Variants in IMMP2L observed in about 807,000 individuals in gnomAD.
IMMP2L encodes mitochondrial inner membrane protease subunit 2.
Under a neutral mutation model 19.3 loss-of-function variants are expected in IMMP2L, and 18 were observed. The observed-to-expected ratio is 0.93, with a 90% CI of 0.64 to 1.38. IMMP2L has a LOEUF of 1.38. Among genes scored for constraint, IMMP2L ranks in the 40% most tolerant of loss-of-function variants. The pLI, the probability that IMMP2L is intolerant of heterozygous loss-of-function variation, is 0.00. For synonymous variants in IMMP2L, 76 were observed against 73.0 expected (o/e 1.04, Z -0.21); for missense variants, 233 against 218.2 (o/e 1.07, Z -0.43).
chr7:110,735,891 A>G (rs1285391495), intron 5 of IMMP2L, among the ~76,000 whole-genome samples: 1 of 147,186 alleles, frequency 6.8e-6, no homozygotes, highest in East Asian at 2.1e-4. Context: ...AATGACCCCA[A>G]AAGCATTTCA....
chr7:110,813,511 C>G (rs1214589538), intron 5 of IMMP2L, among the ~76,000 whole-genome samples: 3 of 151,564 alleles, frequency 2.0e-5, no homozygotes, highest in African/African-American at 7.3e-5. Context: ...CACAGTGGCC[C>G]TGATCTCCCA....
chr7:111,281,156 C>G (rs10256796), intron 3 of IMMP2L, among the ~76,000 whole-genome samples: 1,555 of 67,782 alleles, frequency 0.023, 81 homozygotes, highest in African/African-American at 0.064. Flanking sequence ...GACAGAAAGA[C>G]AGAAAGAAAG....
intron 3 of IMMP2L, among the ~76,000 whole-genome samples, chr7:111,369,568 T>G (rs1245692287): frequency 6.6e-6 from 1 of 151,880 alleles, no homozygotes; most frequent in African/African-American, 2.4e-5. Flanking sequence ...GGAGTTTTAA[T>G]GTTGAAACCA....
At chr7:111,385,332 C>T (rs1056356026) in intron 3 of IMMP2L, among the ~76,000 whole-genome samples, 13 of 152,078 alleles carry the variant, frequency 8.5e-5, no homozygotes, top group Non-Finnish European at 1.6e-4. Flanking sequence ...CAGCAATTTG[C>T]CCTTTATAAG....
chr7:110,752,552 C>T (rs1310594644), intron 5 of IMMP2L, among the ~76,000 whole-genome samples: 2 of 151,992 alleles, frequency 1.3e-5, no homozygotes, highest in African/African-American at 4.8e-5. Flanking sequence ...CTATTGTTTT[C>T]AAGTCTAGTA....
At chr7:111,240,949 T>C (rs910337562) in intron 3 of IMMP2L, among the ~76,000 whole-genome samples, 2 of 151,966 alleles carry the variant, frequency 1.3e-5, no homozygotes, top group Admixed American at 1.3e-4. Flanking sequence ...GCTTTTAAAA[T>C]GCAAACCACA....
At chr7:111,487,131 T>C in intron 3 of IMMP2L, 107 bp downstream of exon 3, 1 of 549,136 alleles carries the variant, frequency 1.8e-6, no homozygotes, top group Non-Finnish European at 3.2e-6. Flanking sequence ...TTAACATGTA[T>C]TCAATTTAAT....
At position 111,417,807 on chromosome 7, in the gene IMMP2L, A is replaced by G. The variant is rs191965352; in HGVS notation, c.239+69431T>C. On this transcript the variant is annotated intron_variant, in intron 3 of 5. Coordinates refer to ENST00000405709, the MANE Select transcript of IMMP2L (RefSeq NM_032549.4). ...GTTGATAGTGCATATACAATTATAA[A>G]TGTAGCAGACATTTCTTTTTTCTTT... Among the ~76,000 whole-genome samples the G allele has an allele frequency of 9.2e-5, 14 of 152,020 alleles. No homozygotes were observed. In the East Asian group the frequency reaches 2.5e-3, roughly 27 times the overall value.
intron 4 of IMMP2L, among the ~76,000 whole-genome samples, chr7:110,927,942 T>G (rs182550726): frequency 6.6e-6 from 1 of 152,184 alleles, no homozygotes; most frequent in African/African-American, 2.4e-5. Context: ...TTGCAGTATC[T>G]CTTATCTCCA....
intron 3 of IMMP2L, among the ~76,000 whole-genome samples, chr7:111,084,315 A>AG (rs1334501674): frequency 6.6e-6 from 1 of 151,656 alleles, no homozygotes; most frequent in African/African-American, 2.4e-5. Flanking sequence ...AAAAAAAAAA[A>AG]AAAGAAAGGA....
intron 5 of IMMP2L, among the ~76,000 whole-genome samples, chr7:110,792,951 T>G (rs1177386540): frequency 6.6e-6 from 1 of 152,052 alleles, no homozygotes; most frequent in Non-Finnish European, 1.5e-5. Flanking sequence ...CTGGGGGGCA[T>G]TGTGCTATAC....
intron 1 of IMMP2L, among the ~76,000 whole-genome samples, chr7:111,522,758 CAT>C (rs1199128128): frequency 6.6e-6 from 1 of 151,916 alleles, no homozygotes; most frequent in Non-Finnish European, 1.5e-5. Flanking sequence ...AGAACTACCA[CAT>C]GATTCTGCAA....
At chr7:111,370,015 A>T (rs1422677862) in intron 3 of IMMP2L, among the ~76,000 whole-genome samples, 3 of 152,034 alleles carry the variant, frequency 2.0e-5, no homozygotes, top group African/African-American at 7.2e-5. Flanking sequence ...GTTTAGGGAC[A>T]GAGGAAAACC....
chr7:111,280,840 C>T (rs1167429177), intron 3 of IMMP2L, among the ~76,000 whole-genome samples: 1 of 151,938 alleles, frequency 6.6e-6, no homozygotes, highest in African/African-American at 2.4e-5. Flanking sequence ...GAGGCCGAGG[C>T]AGGCAGATCA....
At chr7:111,547,289 T>G (rs1849012389) in intron 1 of IMMP2L, among the ~76,000 whole-genome samples, 1 of 152,170 alleles carries the variant, frequency 6.6e-6, no homozygotes, top group East Asian at 1.9e-4. Context: ...CTGCTCTACT[T>G]CCTTAACTGA....
intron 1 of IMMP2L, among the ~76,000 whole-genome samples, chr7:111,548,443 T>C (rs1321448316): frequency 6.6e-6 from 1 of 152,130 alleles, no homozygotes; most frequent in Non-Finnish European, 1.5e-5. Context: ...TCTTACATCT[T>C]TTGTCATAGG....
At chr7:111,367,403 C>T (rs1049939861) in intron 3 of IMMP2L, among the ~76,000 whole-genome samples, 4 of 151,458 alleles carry the variant, frequency 2.6e-5, no homozygotes, top group Non-Finnish European at 5.9e-5. Flanking sequence ...AAGCATAATA[C>T]TATATTTAGG....
intron 4 of IMMP2L, among the ~76,000 whole-genome samples, chr7:110,914,164 G>A (rs1212229787): frequency 1.3e-5 from 2 of 152,140 alleles, no homozygotes; most frequent in Admixed American, 6.5e-5. Context: ...TTTGTCTTCA[G>A]TCACACTGGT....
chr7:111,521,345 A>G lies in IMMP2L; in HGVS notation c.103T>C (p.Cys35Arg). The change falls in exon 2 of 6, where the codon TGT becomes CGT. Residue 35 changes from cysteine to arginine, a missense_variant. Transcript: ENST00000405709. ...VAVTFLDRVA[C>R]VARVEGASMQ... is the part of the protein sequence containing the mutation. ...GATGCTCCTTCTACTCTTGCCACAC[A>G]GGCGACCCGATCCAAGAAAGTCACT... is the stretch of plus-strand genomic sequence containing the variant. 1 of 1,613,270 alleles carries G rather than the reference A, an allele frequency of 6.2e-7. No individual in the cohort carries two copies. Among genetic ancestry groups the G allele is most frequent in the Non-Finnish European group, 8.5e-7 (1 of 1,179,470 alleles).
Sources: allele counts gnomAD v4.1 joint callset (sites outside exome capture counted in the v4.1 genomes callset), GRCh38; gene constraint gnomAD v4.1.1; transcripts MANE v1.5; gene names NCBI Gene and HGNC (gene_info 2026-07-23, HGNC 2026-07-21).